The following DMAC2 variants were observed in gnomAD, a reference collection of about 807,000 sequenced individuals.
The protein encoded by DMAC2 is distal membrane-arm assembly complex protein 2.
In DMAC2, 32 loss-of-function variants were observed where a neutral mutation model predicts 29.6. The ratio of observed to expected loss-of-function variants is 1.08; its 90% confidence interval spans 0.81 to 1.45. DMAC2 has a LOEUF of 1.45. Ranked by LOEUF, DMAC2 falls within the 40% of genes most tolerant of loss-of-function variation. DMAC2 has a pLI of 0.00. For synonymous variants in DMAC2, 133 were observed against 137.4 expected, an observed-to-expected ratio of 0.97 and a Z score of 0.23; for missense variants, 319 against 340.0, an observed-to-expected ratio of 0.94 and a Z score of 0.49.
At position 41,433,321 on chromosome 19, in the gene DMAC2, C is replaced by T. The variant is rs367830809; in HGVS notation, c.547G>A (p.Gly183Ser). 2.4e-4 allele frequency: 379 copies of T among 1,611,470 alleles called. No homozygotes were observed. Among genetic ancestry groups the T allele is most frequent in the Non-Finnish European group, 2.6e-4 (308 of 1,179,876 alleles). Residue 183 changes from glycine (G) to serine (S), a missense_variant, in exon 5 of 6, where the codon GGT becomes AGT. Gly to Ser is a moderately conservative substitution (Grantham distance 56). Transcript: ENST00000221943. ...ADSLQELSLA[G>S]CPRISERGLA... ...CCCCGTTCGGAGATGCGGGGGCAAC[C>T]GGCCAGCGAGAGCTCCTGCAACGAG...
rs782592311 is a variant in DMAC2 at position 41,433,611 on chromosome 19, T to C, written c.359A>G (p.Asn120Ser). ...KYGHFSQEFW[N>S]FCEVPVEAVD... ...AGCTTCGACAGGCACTTCACAGAAA[T>C]TCCAGAACTCCTGAGAGAAATGGCC... The change falls in exon 4 of 6, where the codon AAT becomes AGT. Residue 120 changes from asparagine (N) to serine (S), a missense_variant. By Grantham distance (46) the Asn-to-Ser change is conservative. Coordinates refer to ENST00000221943, the MANE Select transcript of DMAC2 (RefSeq NM_018035.3). 2 of 1,614,150 alleles carry C rather than the reference T, an allele frequency of 1.2e-6. No homozygotes were observed. Among genetic ancestry groups the C allele is most frequent in the South Asian group, 2.2e-5 (2 of 91,082 alleles).
intron 1 of DMAC2, chr19:41,438,986 T>C (rs2040016191): frequency 6.4e-6 from 1 of 156,580 alleles, no homozygotes; most frequent in Admixed American, 6.6e-5. Context: ...TTATGGTTAG[T>C]GTATTTTATG....
At chr19:41,433,704 C>T (rs1447492658) in intron 3 of DMAC2, 31 bp from the exon 4 acceptor site, 3 of 1,613,568 alleles carry the variant, frequency 1.9e-6, no homozygotes, top group African/African-American at 2.7e-5. Context: ...GTCAGCAGGG[C>T]ACCTGAACCT....
At chr19:41,432,568 CGTGTGT>C (rs149102482) in intron 5 of DMAC2, 160 bp from the exon 6 acceptor site, 36 of 520,112 alleles carry the variant, frequency 6.9e-5, no homozygotes, top group Middle Eastern at 5.2e-4. Context: ...ACAGTGTGTG[CGTGTGT>C]GTGTGTGTGT....
chr19:41,432,865 C>T (rs1242302518), intron 5 of DMAC2: 11 of 378,964 alleles, frequency 2.9e-5, no homozygotes, highest in Non-Finnish European at 4.2e-5. Flanking sequence ...AGTGTGTGTG[C>T]GTGCGTGTGT....
intron 5 of DMAC2, 82 bp downstream of exon 5, chr19:41,433,189 GC>G: frequency 7.0e-7 from 1 of 1,425,860 alleles, no homozygotes; most frequent in South Asian, 1.4e-5. Context: ...GCCTAACATT[GC>G]CCCTCCCCAC....
chr19:41,439,548 C>T (rs1315988099), intron 1 of DMAC2: 3 of 1,535,706 alleles, frequency 2.0e-6, no homozygotes, highest in Admixed American at 4.0e-5. Flanking sequence ...ATCCTACAGG[C>T]CCCACCCTTG....
Position 41,438,431 on chromosome 19 carries a change from G to A in DMAC2, c.19-17C>T, listed in dbSNP as rs782666075. On this transcript the variant is annotated splice_polypyrimidine_tract_variant and intron_variant, in intron 1 of 5. Coordinates refer to ENST00000221943, the MANE Select transcript of DMAC2 (RefSeq NM_018035.3). ...GCGCAGGGACTGGGGAGGGGGAGAG[G>A]AAAGGAGCTGAGCCTGGAGCCTCCT... 32 of 1,601,482 alleles carry A rather than the reference G, an allele frequency of 2.0e-5. No homozygotes were observed. In the South Asian group the frequency reaches 3.6e-4, roughly 18 times the overall value.
In DMAC2 at chr19:41,431,789, C is replaced by T. The variant is rs939037834; in HGVS notation, c.*442G>A. The T allele has an allele frequency of 2.2e-5, 5 of 231,264 alleles. No individual in the cohort carries two copies. The highest frequency in any genetic ancestry group is 6.9e-5 in the African/African-American group (3 of 43,550). The allele number at this position is 231,264 out of a possible 1,614,324, so 14.3% of individuals were successfully genotyped here. On this transcript the variant is annotated 3_prime_UTR_variant, in exon 6 of 6. Transcript: ENST00000221943. Reference sequence around the variant, plus strand: ...CTGGCCTTTAGTGAGTGGAGTGGGGCGAAGGATGCTGCATGTCCTGCAGTG... The same window carrying T: ...CTGGCCTTTAGTGAGTGGAGTGGGGTGAAGGATGCTGCATGTCCTGCAGTG...
intron 2 of DMAC2, among the ~76,000 whole-genome samples, 195 bp downstream of exon 2, chr19:41,438,023 C>CT (rs1555771709): frequency 6.6e-6 from 1 of 152,192 alleles, no homozygotes; most frequent in East Asian, 1.9e-4. Flanking sequence ...CAGTTAGACT[C>CT]TGAGTGGAGC....
intron 5 of DMAC2, 55 bp downstream of exon 5, chr19:41,433,217 G>T: frequency 6.5e-7 from 1 of 1,535,640 alleles, no homozygotes; most frequent in East Asian, 2.3e-5. Context: ...TCCTGCATCT[G>T]GGTTAGGTGG....
At chr19:41,439,100 G>T in intron 1 of DMAC2, 1 of 217,260 alleles carries the variant, frequency 4.6e-6, no homozygotes, top group Non-Finnish European at 9.3e-6. Flanking sequence ...GAGCTTTGAA[G>T]AGGAGAGTAA....
rs917746475 is a variant in DMAC2 at position 41,439,027 on chromosome 19, C to G, written c.19-613G>C. ...CCCAAGACAATTCTTCTTCTTCGAA[C>G]AGCGTGGCCCAGGGAAGCCAAAAGA... is the stretch of plus-strand genomic sequence containing the variant. On this transcript the variant is annotated intron_variant, in intron 1 of 5. Transcript: ENST00000221943. 13 of 162,030 alleles carry G rather than the reference C, an allele frequency of 8.0e-5. No individual in the cohort carries two copies. In the East Asian group the frequency reaches 2.4e-3, roughly 30 times the overall value. 10.0% of individuals were successfully genotyped at this position (162,030 alleles called of 1,614,324 possible). A position where few individuals can be genotyped will look rare whatever the true frequency, so the allele number is the denominator to read the frequency against.
rs1404672696 is a variant in DMAC2 at position 41,436,433 on chromosome 19, G to A, written c.255C>T (p.Gly85=). Residue 85 remains glycine, a synonymous_variant, in exon 3 of 6, where the codon GGC becomes GGT. Transcript: ENST00000221943. Reference sequence around the variant, plus strand: ...GCTTCAGGATGAAAAAGGCACCTGCGCCGTATGGACCATGTTGCTTCTCCA... The same window carrying A: ...GCTTCAGGATGAAAAAGGCACCTGCACCGTATGGACCATGTTGCTTCTCCA... ...TWLEKQHGPY[G]AGAFFILKQG... is the part of the protein sequence containing the mutation. The A allele has an allele frequency of 2.4e-5, 39 of 1,614,012 alleles. No homozygotes were observed. Among genetic ancestry groups the A allele is most frequent in the Non-Finnish European group, 3.1e-5 (36 of 1,180,036 alleles).
At chr19:41,438,021 C>T (rs1279373812) in intron 2 of DMAC2, among the ~76,000 whole-genome samples, 197 bp downstream of exon 2, 1 of 152,206 alleles carries the variant, frequency 6.6e-6, no homozygotes, top group Non-Finnish European at 1.5e-5. Flanking sequence ...GCCAGTTAGA[C>T]TCTGAGTGGA....
chr19:41,432,789 T>TGG (rs2039628991), intron 5 of DMAC2: 1 of 332,192 alleles, frequency 3.0e-6, no homozygotes. Context: ...CGTGCGTGTG[T>TGG]GTGTGTGTGT....
intron 2 of DMAC2, 135 bp from the exon 3 acceptor site, chr19:41,436,607 TG>T: frequency 1.4e-6 from 1 of 727,812 alleles, no homozygotes; most frequent in Middle Eastern, 3.9e-4. Context: ...AAATATTTAT[TG>T]CCCACCTCCT....
Position 41,432,297 on chromosome 19 carries a change from CCAGTCGACTCCCACAACCTCGCAATTGGG to C in DMAC2, c.679_707del (p.Pro227GlyfsTer2), listed in dbSNP as rs782697361. 2 of 1,614,018 alleles carry C rather than the reference CCAGTCGACTCCCACAACCTCGCAATTGGG, an allele frequency of 1.2e-6. No individual in the cohort carries two copies. The highest frequency in any genetic ancestry group is 2.7e-5 in the African/African-American group (2 of 74,926). ...CCGGCCCTGACTTCAGGCCCTCAGC[CCAGTCGACTCCCACAACCTCGCAATTGGG>C]CAGCATCTCCTCCACCAATATCTGA... On this transcript the variant is annotated frameshift_variant, in exon 6 of 6. Coordinates refer to ENST00000221943, the MANE Select transcript of DMAC2 (RefSeq NM_018035.3). LOFTEE classifies it low-confidence loss of function (END_TRUNC).
At chr19:41,433,513 C>T in intron 4 of DMAC2, 24 bp downstream of exon 4, 4 of 1,614,160 alleles carry the variant, frequency 2.5e-6, no homozygotes, top group Non-Finnish European at 3.4e-6. Context: ...GAGGCCTGTC[C>T]CATCTCCACC....
Sources: gnomAD v4.1 joint callset for allele counts (sites outside exome capture counted in the v4.1 genomes callset) on GRCh38, gnomAD v4.1.1 for gene constraint, MANE v1.5 for transcripts, NCBI Gene and HGNC (gene_info 2026-07-23, HGNC 2026-07-21) for gene names.